The following CLCN7 variants were observed in gnomAD, a reference collection of about 807,000 sequenced individuals.
The protein encoded by CLCN7 is H(+)/Cl(-) exchange transporter 7.
CLCN7 carries 60 observed loss-of-function variants against 102.1 expected under a neutral mutation model. The observed-to-expected ratio is 0.59, with a 90% CI of 0.48 to 0.73. The LOEUF (loss-of-function observed/expected upper bound fraction) is 0.73, where lower values mean the gene tolerates loss of function less well. Ranked by LOEUF, CLCN7 falls within the 30% of genes least tolerant of loss-of-function variation. CLCN7 has a pLI of 0.00. For synonymous variants in CLCN7, 560 were observed against 490.5 expected (o/e 1.14, Z -1.87); for missense variants, 962 against 1,125.7 (o/e 0.85, Z 2.08).
chr16:1,474,951 C>T lies in CLCN7; in HGVS notation c.24G>A (p.Val8=). 4.0e-6 allele frequency: 6 copies of T among 1,493,684 alleles called. No homozygotes were observed. The highest frequency in any genetic ancestry group is 5.3e-6 in the Non-Finnish European group (6 of 1,127,170). The allele number at this position is 1,493,684 out of a possible 1,614,324, so 92.5% of individuals were successfully genotyped here. ...CGTCCCGGTCCCGGCCGGACCAGGA[C>T]ACCTTCTTAGAGACGTTGGCCATGG... MANVSKK[V]SWSGRDRDDE... The change falls in exon 1 of 25, where the codon GTG becomes GTA. Residue 8 remains valine (V), a synonymous_variant. Transcript: ENST00000382745.
intron 1 of CLCN7, 28 bp from the exon 2 acceptor site, chr16:1,465,366 C>T (rs752409382): frequency 3.8e-6 from 6 of 1,599,344 alleles, no homozygotes; most frequent in Non-Finnish European, 2.6e-6. Flanking sequence ...ATCATGAGGG[C>T]GCTCAGGCGT....
At position 1,447,648 on chromosome 16, in the gene CLCN7, C is replaced by G; in HGVS notation, c.2073+7G>C. 1 of 1,554,564 alleles carries G rather than the reference C, an allele frequency of 6.4e-7. No individual in the cohort carries two copies. Among genetic ancestry groups the G allele is most frequent in the Non-Finnish European group, 8.7e-7 (1 of 1,149,398 alleles). On this transcript the variant is annotated splice_region_variant and intron_variant, in intron 22 of 24. Transcript: ENST00000382745. ...ACCCGCCCAATGGCCCGGAGCCTGG[C>G]ACGCACCTTGTGCTTTAGGAGAACG... is the stretch of plus-strand genomic sequence containing the variant.
chr16:1,446,580 C>A lies in CLCN7; in HGVS notation c.*51G>T. On this transcript the variant is annotated 3_prime_UTR_variant, in exon 25 of 25. Transcript: ENST00000382745. ...AAACCAGTGACTCCGGGAGGAAATG[C>A]AGAAGGGCCGGGGTGCCAGCGCCAG... 6.8e-7 allele frequency: 1 copy of A among 1,466,284 alleles called. No individual in the cohort carries two copies. Among genetic ancestry groups the A allele is most frequent in the Non-Finnish European group, 9.3e-7 (1 of 1,070,572 alleles). The allele number at this position is 1,466,284 out of a possible 1,614,324, so 90.8% of individuals were successfully genotyped here. A position where few individuals can be genotyped will look rare whatever the true frequency, so the allele number is the denominator to read the frequency against.
chr16:1,461,301 A>C, intron 4 of CLCN7, 104 bp downstream of exon 4: 1 of 985,562 alleles, frequency 1.0e-6, no homozygotes, highest in Non-Finnish European at 1.6e-6. Context: ...TCAGAGGAGG[A>C]GGGAGGAGGT....
intron 11 of CLCN7, 107 bp from the exon 12 acceptor site, chr16:1,455,357 T>G (rs1567268794): frequency 1.2e-6 from 1 of 824,666 alleles, no homozygotes; most frequent in East Asian, 2.4e-5. Context: ...GGGCCAGGAG[T>G]CTGCAGACCC....
At chr16:1,462,618 C>A in intron 2 of CLCN7, among the ~76,000 whole-genome samples, 1 of 143,942 alleles carries the variant, frequency 6.9e-6, no homozygotes, top group African/African-American at 2.6e-5. Flanking sequence ...TCAAGTGATC[C>A]ACCCAGCCTG....
At chr16:1,464,994 G>GTCC (rs2038985401) in intron 2 of CLCN7, among the ~76,000 whole-genome samples, 2 of 151,904 alleles carry the variant, frequency 1.3e-5, no homozygotes, top group African/African-American at 4.8e-5. Flanking sequence ...TCCTTGCCCT[G>GTCC]TCCCAAAGCC....
At chr16:1,452,628 C>G in intron 15 of CLCN7, 127 bp downstream of exon 15, 1 of 1,009,424 alleles carries the variant, frequency 9.9e-7, no homozygotes, top group South Asian at 1.5e-5. Context: ...CTTTGAGACA[C>G]GCCAGCCCAT....
intron 2 of CLCN7, among the ~76,000 whole-genome samples, chr16:1,462,683 A>ACAAAAAC (rs1555466088): frequency 1.3e-5 from 2 of 150,960 alleles, no homozygotes; most frequent in African/African-American, 4.9e-5. Flanking sequence ...AAAAAAAAAA[A>ACAAAAAC]AAAACCAGGC....
At chr16:1,455,310 G>C in intron 11 of CLCN7, 60 bp from the exon 12 acceptor site, 1 of 1,025,336 alleles carries the variant, frequency 9.8e-7, no homozygotes, top group Non-Finnish European at 1.6e-6. Flanking sequence ...CAGGGCTCAC[G>C]GACCAGCAGG....
At position 1,457,334 on chromosome 16, in the gene CLCN7, C is replaced by T. The variant is rs1209605608; in HGVS notation, c.742G>A (p.Gly248Arg). 6.2e-7 allele frequency: 1 copy of T among 1,613,570 alleles called. No individual in the cohort carries two copies. Among genetic ancestry groups the T allele is most frequent in the Non-Finnish European group, 8.5e-7 (1 of 1,179,846 alleles). Residue 248 changes from glycine (G) to arginine (R), a missense_variant, in exon 9 of 25, where the codon GGG (glycine) becomes AGG (arginine). Transcript: ENST00000382745. This position sits in a 1 kb window ranked among gnomAD's most constrained non-coding sequence, Gnocchi z 5.4. ...VVGGLAVGKEGPMIHSGSVIA... is the reference protein window; with the variant it reads ...VVGGLAVGKERPMIHSGSVIA... ...ACTGAACCTGAGTGGATCATCGGCC[C>T]TTCCTGGAGACCAGAAGGACCGGTG...
intron 13 of CLCN7, 99 bp from the exon 14 acceptor site, chr16:1,453,993 A>C: frequency 8.6e-7 from 1 of 1,156,166 alleles, no homozygotes; most frequent in Non-Finnish European, 1.3e-6. Flanking sequence ...GGGTTTGCAG[A>C]GGGAAGGGGA....
chr16:1,447,832 C>A, intron 21 of CLCN7, 118 bp from the exon 22 acceptor site: 1 of 1,159,624 alleles, frequency 8.6e-7, no homozygotes, highest in Non-Finnish European at 1.2e-6. Context: ...GGGCATGGGC[C>A]CCGTGTCGGT....
At chr16:1,474,289 C>G in intron 1 of CLCN7, 1 of 440,670 alleles carries the variant, frequency 2.3e-6, no homozygotes, top group South Asian at 1.6e-5. Context: ...ATACTCGTCA[C>G]TCCCAAGATC....
intron 10 of CLCN7, 138 bp from the exon 11 acceptor site, chr16:1,455,933 G>C: frequency 9.5e-7 from 1 of 1,053,284 alleles, no homozygotes. Context: ...CACACAGAGA[G>C]GGACCCTGAG....
Position 1,455,260 on chromosome 16 carries a change from A to T in CLCN7, c.982-10T>A. On this transcript the variant is annotated splice_polypyrimidine_tract_variant and intron_variant, in intron 11 of 24. Transcript: ENST00000382745. ...TCATGGAAGCAAAGAACTGCGGCAG[A>T]GGGCAGGAAACCAGCGCCCTCAGAG... The T allele has an allele frequency of 6.4e-7, 1 of 1,565,274 alleles. No individual in the cohort carries two copies. Among genetic ancestry groups the T allele is most frequent in the Non-Finnish European group, 8.8e-7 (1 of 1,135,888 alleles).
intron 1 of CLCN7, among the ~76,000 whole-genome samples, chr16:1,468,795 T>C (rs35590353): frequency 0.18 from 26,619 of 152,066 alleles, 2,760 homozygotes; most frequent in African/African-American, 0.28. Flanking sequence ...GTTTTGGGGC[T>C]GCGCTGTTAC....
chr16:1,449,023 G>A lies in CLCN7; in HGVS notation c.1740C>T (p.Gly580=), dbSNP rs1458730399. ...TCATGAGCACCAGCATGATGGGGAA[G>A]CCGTAGGTCACGTTGCTGGTGGCCT... ...MMEATSNVTY[G]FPIMLVLMTA... The change falls in exon 19 of 25, where the codon GGC becomes GGT. Residue 580 remains glycine, a synonymous_variant. Transcript: ENST00000382745. 3.1e-6 allele frequency: 5 copies of A among 1,612,772 alleles called. No homozygotes were observed. Among genetic ancestry groups the A allele is most frequent in the African/African-American group, 1.3e-5 (1 of 74,942 alleles).
chr16:1,461,112 G>A (rs186346678), intron 4 of CLCN7, among the ~76,000 whole-genome samples, 164 bp from the exon 5 acceptor site: 1 of 152,362 alleles, frequency 6.6e-6, no homozygotes, highest in East Asian at 1.9e-4. Flanking sequence ...CATCTGAGGC[G>A]CACCCGGGGC....
Sources: allele counts gnomAD v4.1 joint callset (sites outside exome capture counted in the v4.1 genomes callset), GRCh38; gene constraint gnomAD v4.1.1; non-coding constraint Gnocchi (gnomAD v3.1); transcripts MANE v1.5; gene names NCBI Gene and HGNC (gene_info 2026-07-23, HGNC 2026-07-21).